The following PALS2 variants were observed in gnomAD, a reference collection of about 807,000 sequenced individuals.
PALS2 encodes protein PALS2.
A neutral mutation model predicts 61.6 loss-of-function variants in PALS2; 27 were observed. The observed-to-expected ratio is 0.44, with a 90% confidence interval of 0.32 to 0.60. PALS2 has a LOEUF of 0.60. PALS2 is among the 20% of genes least tolerant of loss of function. The pLI is 0.05. For missense variants in PALS2, 554 were observed against 639.4 expected, an observed-to-expected ratio of 0.87 and a Z score of 1.44; for synonymous variants, 236 against 218.6, an observed-to-expected ratio of 1.08 and a Z score of -0.70.
chr7:24,684,184 C>T (rs1223292651), intron 11 of PALS2, among the ~76,000 whole-genome samples: 2 of 152,038 alleles, frequency 1.3e-5, no homozygotes, highest in African/African-American at 4.8e-5. Flanking sequence ...ACTGCAACCT[C>T]TGCCTCCCAG....
chr7:24,663,609 T>G lies in PALS2; in HGVS notation c.671T>G (p.Phe224Cys). ...TTTTAGGTATTTGTGAAGTGTCATT[T>G]TGATTATAATCCATACAATGACAAC... The part of the protein sequence containing the change: ...TPQQVFVKCH[F>C]DYNPYNDNLI... The change falls in exon 6 of 12, where the codon TTT becomes TGT. Residue 224 changes from phenylalanine to cysteine, a missense_variant. Physicochemically the swap from Phe to Cys is radical, Grantham distance 205. Coordinates refer to ENST00000222644, the MANE Select transcript of PALS2 (RefSeq NM_001303037.2). 2 of 1,592,202 alleles carry G rather than the reference T, an allele frequency of 1.3e-6. No homozygotes were observed. Among genetic ancestry groups the G allele is most frequent in the Non-Finnish European group, 1.7e-6 (2 of 1,162,580 alleles).
At chr7:24,684,711 G>A (rs994031936) in intron 11 of PALS2, among the ~76,000 whole-genome samples, 4 of 152,086 alleles carry the variant, frequency 2.6e-5, no homozygotes, top group Non-Finnish European at 5.9e-5. Context: ...CAATTTGATA[G>A]CTTCAAATGA....
At chr7:24,591,376 G>A (rs1338862411) in intron 1 of PALS2, among the ~76,000 whole-genome samples, 1 of 152,154 alleles carries the variant, frequency 6.6e-6, no homozygotes, top group Non-Finnish European at 1.5e-5. Flanking sequence ...ATAGGGGGCA[G>A]TGTGTAGCTT....
chr7:24,612,108 T>C (rs890938562), intron 1 of PALS2, among the ~76,000 whole-genome samples: 2 of 152,016 alleles, frequency 1.3e-5, no homozygotes, highest in Non-Finnish European at 2.9e-5. Context: ...TTGTACAGTG[T>C]TTCTCTTTAG....
At chr7:24,613,710 G>A (rs1438516714) in intron 1 of PALS2, among the ~76,000 whole-genome samples, 1 of 151,680 alleles carries the variant, frequency 6.6e-6, no homozygotes, top group African/African-American at 2.4e-5. Context: ...CTGTAATTTT[G>A]TGTCCTTTAT....
At chr7:24,583,787 A>G (rs1782945166) in intron 1 of PALS2, among the ~76,000 whole-genome samples, 1 of 151,728 alleles carries the variant, frequency 6.6e-6, no homozygotes, top group Admixed American at 6.6e-5. Context: ...CATTAGGTAT[A>G]TCTCCCAATG....
intron 9 of PALS2, among the ~76,000 whole-genome samples, chr7:24,678,194 C>T (rs1283227973): frequency 6.6e-6 from 1 of 152,140 alleles, no homozygotes; most frequent in Non-Finnish European, 1.5e-5. Flanking sequence ...TACACATTTG[C>T]AACAGTTTAA....
At chr7:24,639,924 C>T (rs1294103517) in intron 2 of PALS2, among the ~76,000 whole-genome samples, 2 of 145,070 alleles carry the variant, frequency 1.4e-5, no homozygotes, top group Admixed American at 1.4e-4. Flanking sequence ...TCAAGCAATT[C>T]TCCTGCCTCA....
intron 5 of PALS2, among the ~76,000 whole-genome samples, chr7:24,662,176 A>C (rs189849516): frequency 9.5e-4 from 145 of 152,312 alleles, no homozygotes; most frequent in Non-Finnish European, 1.5e-3. Context: ...TTTCTATGAA[A>C]ATCATCTAAT....
chr7:24,587,223 G>A (rs1783101724), intron 1 of PALS2, among the ~76,000 whole-genome samples: 2 of 152,062 alleles, frequency 1.3e-5, no homozygotes, highest in Admixed American at 6.6e-5. Context: ...ACATTGGAAG[G>A]ACGAAGGACG....
intron 2 of PALS2, among the ~76,000 whole-genome samples, chr7:24,625,144 C>T (rs1784687809): frequency 6.6e-6 from 1 of 152,116 alleles, no homozygotes; most frequent in Non-Finnish European, 1.5e-5. Flanking sequence ...AAAGTAATAG[C>T]TCCAGGGTCT....
intron 11 of PALS2, among the ~76,000 whole-genome samples, chr7:24,684,612 A>C (rs950300325): frequency 2.2e-4 from 33 of 152,196 alleles, no homozygotes; most frequent in Non-Finnish European, 1.5e-5. Flanking sequence ...GGTGTACATT[A>C]AACTTAGTTG....
At chr7:24,640,950 G>A (rs745363940) in intron 2 of PALS2, among the ~76,000 whole-genome samples, 42 of 144,974 alleles carry the variant, frequency 2.9e-4, no homozygotes, top group Non-Finnish European at 4.8e-4. Flanking sequence ...GGAGCTTGCA[G>A]TGAGCTGAGG....
intron 1 of PALS2, among the ~76,000 whole-genome samples, chr7:24,582,008 T>C (rs1782864369): frequency 6.6e-6 from 1 of 152,234 alleles, no homozygotes; most frequent in African/African-American, 2.4e-5. Context: ...ATCATTCTTA[T>C]ATAAGCCAAT....
intron 2 of PALS2, among the ~76,000 whole-genome samples, chr7:24,628,457 A>AC (rs1784845790): frequency 6.6e-6 from 1 of 152,206 alleles, no homozygotes. Context: ...CTGGCACAAG[A>AC]CAAGGATGCA....
chr7:24,639,263 A>G (rs74373065), intron 2 of PALS2, among the ~76,000 whole-genome samples: 9,626 of 152,308 alleles, frequency 0.063, 353 homozygotes, highest in African/African-American at 0.093. Context: ...GTAAGCTTTA[A>G]TAGATGAGAG....
At chr7:24,639,673 C>G (rs1455751809) in intron 2 of PALS2, among the ~76,000 whole-genome samples, 2 of 143,116 alleles carry the variant, frequency 1.4e-5, no homozygotes, top group Non-Finnish European at 3.1e-5. Context: ...AGATTATTTT[C>G]TTTTTTTTTT....
rs114537533 is a variant in PALS2, at chr7:24,582,345, G to A, written c.-3+8752G>A. ...ATTGGGAATACTAATTCTAGTCGCA[G>A]CTCATTTGAACAGCATCCAATCTGG... On this transcript the variant is annotated intron_variant, in intron 1 of 11. Transcript: ENST00000222644. 3.7e-3 allele frequency among the ~76,000 whole-genome samples: 562 copies of A among 152,264 alleles called. 5 individuals carry two copies. The highest frequency in any genetic ancestry group is 0.013 in the African/African-American group (523 of 41,544).
intron 6 of PALS2, among the ~76,000 whole-genome samples, chr7:24,664,905 G>C (rs1031663808): frequency 6.6e-6 from 1 of 150,964 alleles, no homozygotes; most frequent in Non-Finnish European, 1.5e-5. Flanking sequence ...TTGATAGTTG[G>C]TTACTTTAAT....
Sources: gnomAD v4.1 joint callset for allele counts (sites outside exome capture counted in the v4.1 genomes callset) on GRCh38, gnomAD v4.1.1 for gene constraint, MANE v1.5 for transcripts, NCBI Gene and HGNC (gene_info 2026-07-23, HGNC 2026-07-21) for gene names.